GRM5: variants seen among roughly 807,000 people sequenced by gnomAD.
The protein encoded by GRM5 is glutamate metabotropic receptor 5.
In GRM5, 19 loss-of-function variants were observed where a neutral mutation model predicts 83.1. The ratio of observed to expected loss-of-function variants is 0.23; its 90% CI spans 0.16 to 0.34. The LOEUF (loss-of-function observed/expected upper bound fraction) is 0.34, where lower values mean the gene tolerates loss of function less well. Ranked by LOEUF, GRM5 falls within the 10% of genes least tolerant of loss-of-function variation. GRM5 has a pLI of 1.00. For synonymous variants in GRM5, 675 were observed against 633.6 expected, an observed-to-expected ratio of 1.07 and a Z score of -0.98; for missense variants, 1,160 against 1,588.3, an observed-to-expected ratio of 0.73 and a Z score of 4.58.
At chr11:88,547,149 G>C (rs1000697936) in intron 8 of GRM5, among the ~76,000 whole-genome samples, 1 of 152,130 alleles carries the variant, frequency 6.6e-6, no homozygotes, top group Non-Finnish European at 1.5e-5. Flanking sequence ...CATTTTCAGA[G>C]TGGGAAGTAG....
intron 3 of GRM5, among the ~76,000 whole-genome samples, chr11:88,836,813 A>C (rs1252483470): frequency 6.6e-6 from 1 of 152,134 alleles, no homozygotes; most frequent in African/African-American, 2.4e-5. Flanking sequence ...CAAAAAACAA[A>C]AAACAAAAAC....
chr11:88,808,322 C>T (rs10501689), intron 3 of GRM5, among the ~76,000 whole-genome samples: 3,878 of 151,892 alleles, frequency 0.026, 173 homozygotes, highest in African/African-American at 0.089. Flanking sequence ...TACTTTACAG[C>T]CATAGAATTT....
In GRM5 at chr11:88,936,014, A is replaced by C. The variant is rs551220097; in HGVS notation, c.662-85859T>G. On this transcript the variant is annotated intron_variant, in intron 2 of 9. Transcript: ENST00000305447. ...GCTTTTGTCACATATTATTCTACAA[A>C]GTAAATCCCACAGTTCATTTTTCTA... 1.4e-4 allele frequency among the ~76,000 whole-genome samples: 21 copies of C among 151,998 alleles called. No individual in the cohort carries two copies. The East Asian group carries it at 3.1e-3, about 22-fold the overall frequency.
At chr11:89,037,509 C>G (rs4277112) in intron 2 of GRM5, among the ~76,000 whole-genome samples, 1 of 151,844 alleles carries the variant, frequency 6.6e-6, no homozygotes, top group East Asian at 1.9e-4. Flanking sequence ...TCTGATTTTT[C>G]ACCCTTTGAA....
chr11:88,596,381 C>T (rs965450082), intron 6 of GRM5, among the ~76,000 whole-genome samples: 2 of 152,098 alleles, frequency 1.3e-5, no homozygotes, highest in Non-Finnish European at 2.9e-5. Flanking sequence ...CAACTTATGC[C>T]AGCATCTTGG....
In GRM5 at chr11:88,730,017, A is replaced by C. The variant is rs551868076; in HGVS notation, c.912-76614T>G. Among the ~76,000 whole-genome samples, 219 of 152,348 alleles carry C rather than the reference A, an allele frequency of 1.4e-3. 3 individuals are homozygous for C. Among genetic ancestry groups the C allele is most frequent in the African/African-American group, 5.1e-3 (213 of 41,578 alleles). ...ACCAAAAGCAATGGCAACAAAAGCC[A>C]AAATTGACAAATGGGATCTAATTAA... On this transcript the variant is annotated intron_variant, in intron 3 of 9. Coordinates refer to ENST00000305447, the MANE Select transcript of GRM5 (RefSeq NM_001143831.3).
intron 6 of GRM5, among the ~76,000 whole-genome samples, chr11:88,595,736 T>A (rs1310460519): frequency 6.6e-6 from 1 of 152,162 alleles, no homozygotes; most frequent in Non-Finnish European, 1.5e-5. Context: ...CCCTCATTGT[T>A]CCTCTTCTTT....
chr11:88,947,545 TTCCCTATTA>T (rs1329510959), intron 2 of GRM5, among the ~76,000 whole-genome samples: 1 of 152,116 alleles, frequency 6.6e-6, no homozygotes, highest in Admixed American at 6.6e-5. Context: ...TTTTTTTTTT[TTCCCTATTA>T]TCCCTCTCTA....
intron 3 of GRM5, among the ~76,000 whole-genome samples, chr11:88,688,234 C>A (rs11020959): frequency 0.15 from 22,157 of 152,088 alleles, 2,020 homozygotes; most frequent in Non-Finnish European, 0.21. Flanking sequence ...AGATGTCCTG[C>A]AGGCACTAAA....
intron 3 of GRM5, among the ~76,000 whole-genome samples, chr11:88,705,389 T>C (rs1240118632): frequency 5.9e-5 from 9 of 152,094 alleles, no homozygotes; most frequent in Non-Finnish European, 7.4e-5. Context: ...TTCCTTTAGG[T>C]ATTTTCTGGC....
chr11:88,957,493 A>G lies in GRM5; in HGVS notation c.661+89719T>C, dbSNP rs192844094. Among the ~76,000 whole-genome samples the G allele has an allele frequency of 9.2e-5, 14 of 152,328 alleles. No homozygotes were observed. In the East Asian group the frequency reaches 2.5e-3, roughly 27 times the overall value. On this transcript the variant is annotated intron_variant, in intron 2 of 9. Coordinates refer to ENST00000305447, the MANE Select transcript of GRM5 (RefSeq NM_001143831.3). ...ATGACAAGATCTTGAACTTAGTTCT[A>G]AACAACGGGGATGAAGATAAGAAAA... is the stretch of plus-strand genomic sequence containing the variant.
intron 2 of GRM5, among the ~76,000 whole-genome samples, chr11:88,942,217 A>G (rs1251525831): frequency 6.6e-6 from 1 of 152,062 alleles, no homozygotes; most frequent in Non-Finnish European, 1.5e-5. Flanking sequence ...TCATTCTGAA[A>G]ATATACACAT....
At chr11:88,951,541 A>G (rs1028185891) in intron 2 of GRM5, among the ~76,000 whole-genome samples, 12 of 152,188 alleles carry the variant, frequency 7.9e-5, no homozygotes, top group Non-Finnish European at 1.8e-4. Context: ...ACAATGGCTC[A>G]TATTATTCCC....
At chr11:88,677,885 T>C (rs1386617504) in intron 3 of GRM5, among the ~76,000 whole-genome samples, 4 of 152,122 alleles carry the variant, frequency 2.6e-5, no homozygotes, top group African/African-American at 9.7e-5. Flanking sequence ...ATTACCACAA[T>C]ACATGGAATG....
At chr11:88,839,590 T>C (rs1447180144) in intron 3 of GRM5, among the ~76,000 whole-genome samples, 2 of 152,206 alleles carry the variant, frequency 1.3e-5, no homozygotes, top group African/African-American at 4.8e-5. Context: ...GTTCACCACT[T>C]AAACTATTTT....
chr11:88,860,991 T>C (rs1174038819), intron 2 of GRM5, among the ~76,000 whole-genome samples: 1 of 152,152 alleles, frequency 6.6e-6, no homozygotes, highest in African/African-American at 2.4e-5. Flanking sequence ...ATGCAAAATA[T>C]CCCATTAATA....
chr11:88,665,162 T>TACAC lies in GRM5; in HGVS notation c.912-11763_912-11760dup, dbSNP rs1214459891. On this transcript the variant is annotated intron_variant, in intron 3 of 9. Coordinates refer to ENST00000305447, the MANE Select transcript of GRM5 (RefSeq NM_001143831.3). ...GATAGAAGAGATAATTTAATTTATT[T>TACAC]ACACACACACACACACACACACACA... 0.011 allele frequency among the ~76,000 whole-genome samples: 1,603 copies of TACAC among 140,992 alleles called. 50 individuals carry two copies. The East Asian group carries it at 0.12, about 10-fold the overall frequency. 92.5% of individuals were successfully genotyped at this position (140,992 alleles called of 152,430 possible).
At chr11:89,011,386 C>T (rs1940694293) in intron 2 of GRM5, among the ~76,000 whole-genome samples, 1 of 152,136 alleles carries the variant, frequency 6.6e-6, no homozygotes, top group Non-Finnish European at 1.5e-5. Flanking sequence ...CAGGCTAAAA[C>T]AGTTGTGAAT....
intron 3 of GRM5, among the ~76,000 whole-genome samples, chr11:88,712,291 G>A (rs774962880): frequency 3.3e-5 from 5 of 151,838 alleles, no homozygotes; most frequent in East Asian, 1.9e-4. Flanking sequence ...AAGTAGCCCC[G>A]TCTCCAGGAC....
Sources: gnomAD v4.1 joint callset for allele counts (sites outside exome capture counted in the v4.1 genomes callset) on GRCh38, gnomAD v4.1.1 for gene constraint, MANE v1.5 for transcripts, NCBI Gene and HGNC (gene_info 2026-07-23, HGNC 2026-07-21) for gene names.